EVL: variants seen among roughly 807,000 people sequenced by gnomAD.
The protein encoded by EVL is ena/VASP-like protein.
In EVL, 21 loss-of-function variants were observed where a neutral mutation model predicts 59.6. The ratio of observed to expected loss-of-function variants is 0.35; its 90% CI spans 0.25 to 0.51. The LOEUF (loss-of-function observed/expected upper bound fraction) is 0.51. Ranked by LOEUF, EVL falls within the 20% of genes least tolerant of loss-of-function variation. The probability of loss-of-function intolerance (pLI) is 0.97; values close to 1 mark genes in which losing one functional copy is unlikely to be tolerated. For missense variants in EVL, 462 were observed against 546.6 expected (o/e 0.85, Z 1.54); for synonymous variants, 198 against 203.5 (o/e 0.97, Z 0.23).
intron 1 of EVL, among the ~76,000 whole-genome samples, chr14:100,077,371 A>T (rs1435920400): frequency 6.6e-6 from 1 of 152,252 alleles, no homozygotes; most frequent in Admixed American, 6.5e-5. Context: ...GGGACTGGGT[A>T]GGTGTTGCTT....
rs116832798 is a variant in EVL, at chr14:100,086,526, A to G, written c.180+1671A>G. Among the ~76,000 whole-genome samples, 385 of 152,302 alleles carry G rather than the reference A, an allele frequency of 2.5e-3. 1 individual carries two copies. Among genetic ancestry groups the G allele is most frequent in the African/African-American group, 9.0e-3 (372 of 41,564 alleles). ...CCTTCCTGCCTCTTGGTTGCCCTCC[A>G]GGGCGTAGTAGGAAGACGGCATGGT... On this transcript the variant is annotated intron_variant, in intron 2 of 13. Coordinates refer to ENST00000392920, the MANE Select transcript of EVL (RefSeq NM_016337.3).
chr14:100,031,039 C>G (rs2140217613), intron 1 of EVL, among the ~76,000 whole-genome samples: 1 of 151,920 alleles, frequency 6.6e-6, no homozygotes, highest in Non-Finnish European at 1.5e-5. Context: ...GAAGAGCACC[C>G]TTCCAACAAT....
At chr14:100,123,263 A>C (rs958209113) in intron 3 of EVL, among the ~76,000 whole-genome samples, 1 of 152,224 alleles carries the variant, frequency 6.6e-6, no homozygotes, top group African/African-American at 2.4e-5. Flanking sequence ...AGAGAAGGCG[A>C]GCAGGGTCAG....
At chr14:100,085,106 G>A in intron 2 of EVL, 3 of 382,916 alleles carry the variant, frequency 7.8e-6, no homozygotes, top group Non-Finnish European at 1.4e-5. Flanking sequence ...CTATTTCACT[G>A]TGTTATTGTC....
At chr14:100,041,476 G>A (rs895819548) in intron 1 of EVL, among the ~76,000 whole-genome samples, 6 of 152,180 alleles carry the variant, frequency 3.9e-5, no homozygotes, top group Non-Finnish European at 7.4e-5. Context: ...AATTTCCTGT[G>A]GCCAAGACCT....
intron 1 of EVL, among the ~76,000 whole-genome samples, chr14:100,075,207 G>T (rs1423583117): frequency 1.3e-5 from 2 of 152,228 alleles, no homozygotes; most frequent in Non-Finnish European, 2.9e-5. Context: ...TTCAGAGAGA[G>T]ACTGGAATTT....
rs757410463 is a variant in EVL at position 100,143,901 on chromosome 14, C to G, written c.*163C>G. On this transcript the variant is annotated 3_prime_UTR_variant, in exon 14 of 14. Transcript: ENST00000392920. Reference sequence around the variant, plus strand: ...TGATCACACATGACAGTGAGGAAACCAAGTGCAACTCCTGGGTTTTTTTAG... The same window carrying G: ...TGATCACACATGACAGTGAGGAAACGAAGTGCAACTCCTGGGTTTTTTTAG... The G allele has an allele frequency of 8.4e-5, 62 of 740,048 alleles. No homozygotes were observed. Among genetic ancestry groups the G allele is most frequent in the Non-Finnish European group, 4.5e-5 (21 of 465,018 alleles). 45.8% of individuals were successfully genotyped at this position (740,048 alleles called of 1,614,324 possible).
chr14:100,084,619 A>C, intron 1 of EVL, 68 bp from the exon 2 acceptor site: 1 of 1,547,666 alleles, frequency 6.5e-7, no homozygotes, highest in East Asian at 2.3e-5. Context: ...CCTCTATTTC[A>C]GAAAAGGGCA....
chr14:100,114,265 C>T lies in EVL; in HGVS notation c.359-9274C>T, dbSNP rs61984550. ...GGTGGTGCCAAATTTAGGCATGCCT[C>T]ACAGGCATTCTCTGCACACTTGCTC... On this transcript the variant is annotated intron_variant, in intron 3 of 13. Transcript: ENST00000392920. This position sits in a 1 kb window ranked among gnomAD's most constrained non-coding sequence, Gnocchi z 5.0. Among the ~76,000 whole-genome samples the T allele has an allele frequency of 0.027, 4,135 of 152,184 alleles. 81 individuals are homozygous for T. Among genetic ancestry groups the T allele is most frequent in the Non-Finnish European group, 0.04 (2,746 of 67,996 alleles).
chr14:100,024,502 G>C (rs1044685172), intron 1 of EVL, among the ~76,000 whole-genome samples: 2 of 152,190 alleles, frequency 1.3e-5, no homozygotes, highest in African/African-American at 4.8e-5. Flanking sequence ...AAAGAACCTT[G>C]ATCATTGAAT....
chr14:100,097,770 G>C, intron 3 of EVL, 112 bp downstream of exon 3: 1 of 985,874 alleles, frequency 1.0e-6, no homozygotes, highest in Non-Finnish European at 1.5e-6. Context: ...ATTGAGCTGA[G>C]GTTGCATGTG....
At chr14:100,058,957 A>G (rs576724547) in intron 1 of EVL, among the ~76,000 whole-genome samples, 1 of 152,240 alleles carries the variant, frequency 6.6e-6, no homozygotes, top group Non-Finnish European at 1.5e-5. Context: ...TAACGTGTGA[A>G]GGACAGAGGA....
chr14:100,016,844 CT>C lies in EVL; in HGVS notation c.5+44795del, dbSNP rs146940887. Among the ~76,000 whole-genome samples the C allele has an allele frequency of 2.5e-3, 373 of 152,134 alleles. 1 individual carries two copies. The highest frequency in any genetic ancestry group is 8.6e-3 in the African/African-American group (359 of 41,512). On this transcript the variant is annotated intron_variant, in intron 1 of 13. Transcript: ENST00000402714. ...CTCACTTCCTGGAACAGTTGAGGCA[CT>C]TTTTTTTAGCCCTGGCAGGTCTCTT... is the stretch of plus-strand genomic sequence containing the variant.
At chr14:100,019,805 C>T in intron 1 of EVL, 1 of 1,026,194 alleles carries the variant, frequency 9.7e-7, no homozygotes, top group Admixed American at 2.5e-5. Flanking sequence ...GGGTTCTTTT[C>T]AGCTTGTGGT....
chr14:100,112,668 C>T (rs1316077781), intron 3 of EVL, among the ~76,000 whole-genome samples: 1 of 152,244 alleles, frequency 6.6e-6, no homozygotes, highest in African/African-American at 2.4e-5. Flanking sequence ...GTTTTCTCCC[C>T]AAAACCTCAG....
intron 1 of EVL, among the ~76,000 whole-genome samples, chr14:99,985,542 C>T (rs1029625010): frequency 5.3e-5 from 8 of 151,802 alleles, no homozygotes; most frequent in African/African-American, 7.3e-5. Flanking sequence ...CTCAGGTGGG[C>T]GGATCACCTG....
chr14:100,093,914 A>T (rs757427718), intron 2 of EVL, among the ~76,000 whole-genome samples: 1 of 152,262 alleles, frequency 6.6e-6, no homozygotes, highest in Admixed American at 6.5e-5. Context: ...ATTATGTGCC[A>T]TTCCAAATAT....
intron 1 of EVL, among the ~76,000 whole-genome samples, chr14:100,047,648 T>G (rs2061575702): frequency 1.3e-5 from 2 of 152,206 alleles, no homozygotes; most frequent in South Asian, 4.1e-4. Context: ...AAAACTGATC[T>G]AAATATTTCA....
chr14:100,056,926 AG>A (rs1477783815), intron 1 of EVL, among the ~76,000 whole-genome samples: 3 of 152,228 alleles, frequency 2.0e-5, no homozygotes, highest in African/African-American at 7.2e-5. Flanking sequence ...AAAAAATGAT[AG>A]TCCCTTCCTA....
Sources: gnomAD v4.1 joint callset for allele counts (sites outside exome capture counted in the v4.1 genomes callset) on GRCh38, gnomAD v4.1.1 for gene constraint, Gnocchi (gnomAD v3.1) non-coding constraint, MANE v1.5 for transcripts, NCBI Gene and HGNC (gene_info 2026-07-23, HGNC 2026-07-21) for gene names.